VWA3B: variants seen among roughly 807,000 people sequenced by gnomAD.
VWA3B encodes the protein von Willebrand factor A domain containing 3B.
A neutral mutation model predicts 158.3 loss-of-function variants in VWA3B; 138 were observed. The observed-to-expected ratio is 0.87, with a 90% confidence interval of 0.76 to 1.00. The LOEUF (loss-of-function observed/expected upper bound fraction) is 1.00. VWA3B is among the 50% of genes least tolerant of loss of function. The probability of loss-of-function intolerance (pLI) is 0.00; values close to 1 mark genes in which losing one functional copy is unlikely to be tolerated. For synonymous variants in VWA3B, 596 were observed against 587.3 expected (o/e 1.01, Z -0.21); for missense variants, 1,555 against 1,565.1 (o/e 0.99, Z 0.11).
At chr2:98,167,386 T>A (rs564558189) in intron 8 of VWA3B, among the ~76,000 whole-genome samples, 2 of 150,974 alleles carry the variant, frequency 1.3e-5, no homozygotes, top group East Asian at 3.9e-4. Context: ...CTGACAAAAA[T>A]GTATGAATCA....
chr2:98,326,214 A>T, the VWA3B span, among the ~76,000 whole-genome samples: 1 of 152,220 alleles, frequency 6.6e-6, no homozygotes, highest in African/African-American at 2.4e-5. Context: ...CAAAGGGGTT[A>T]TCACTACTAG....
chr2:98,268,411 T>G (rs1687988508), intron 21 of VWA3B, among the ~76,000 whole-genome samples: 1 of 152,154 alleles, frequency 6.6e-6, no homozygotes, highest in Admixed American at 6.5e-5. Context: ...AAATCTATTC[T>G]TTAAGTTCAC....
At chr2:98,128,918 C>G (rs1336112037) in intron 6 of VWA3B, among the ~76,000 whole-genome samples, 1 of 152,252 alleles carries the variant, frequency 6.6e-6, no homozygotes, top group Non-Finnish European at 1.5e-5. Flanking sequence ...CCTACCTTTC[C>G]CCTCACTCCC....
intron 12 of VWA3B, among the ~76,000 whole-genome samples, chr2:98,200,257 G>A (rs1682418647): frequency 1.3e-5 from 2 of 152,086 alleles, no homozygotes; most frequent in South Asian, 4.2e-4. Context: ...AATAGCTGGA[G>A]TCAGGCCAGG....
At chr2:98,296,730 G>A (rs564530333) in intron 23 of VWA3B, among the ~76,000 whole-genome samples, 4 of 152,256 alleles carry the variant, frequency 2.6e-5, no homozygotes, top group African/African-American at 7.2e-5. Flanking sequence ...ATACTGCTGG[G>A]GGAGGTGTCC....
chr2:98,143,180 C>T (rs1401995841), intron 7 of VWA3B, among the ~76,000 whole-genome samples: 1 of 152,140 alleles, frequency 6.6e-6, no homozygotes, highest in Non-Finnish European at 1.5e-5. Context: ...GCTGGGATTA[C>T]ATGCGCCTGC....
At chr2:98,216,677 G>A in intron 13 of VWA3B, 1 of 470,822 alleles carries the variant, frequency 2.1e-6, no homozygotes, top group Admixed American at 2.3e-5. Flanking sequence ...CAGGTGTGCT[G>A]CTTGGCCTTA....
intron 1 of VWA3B, among the ~76,000 whole-genome samples, chr2:98,090,900 C>A (rs1275313172): frequency 2.6e-5 from 4 of 151,596 alleles, no homozygotes; most frequent in African/African-American, 4.8e-5. Context: ...GGACTACAGG[C>A]ATGCACCACC....
chr2:98,134,429 T>C (rs1355583881), intron 7 of VWA3B, among the ~76,000 whole-genome samples: 1 of 152,166 alleles, frequency 6.6e-6, no homozygotes, highest in African/African-American at 2.4e-5. Flanking sequence ...TTTCATTCAA[T>C]GAATGTGATC....
intron 23 of VWA3B, among the ~76,000 whole-genome samples, chr2:98,292,822 G>A (rs1689575754): frequency 6.6e-6 from 1 of 151,906 alleles, no homozygotes; most frequent in Admixed American, 6.6e-5. Flanking sequence ...GAATTAGCCG[G>A]ACGTGGTGGC....
At chr2:98,146,852 A>C (rs1677209038) in intron 7 of VWA3B, among the ~76,000 whole-genome samples, 1 of 152,238 alleles carries the variant, frequency 6.6e-6, no homozygotes, top group Non-Finnish European at 1.5e-5. Flanking sequence ...GTAAAGGCTA[A>C]GTATAAACGT....
At chr2:98,175,860 C>T (rs1266756662) in intron 8 of VWA3B, among the ~76,000 whole-genome samples, 4 of 152,220 alleles carry the variant, frequency 2.6e-5, no homozygotes, top group African/African-American at 7.2e-5. Flanking sequence ...GGGTTACCAT[C>T]CTCCATCTCC....
intron 13 of VWA3B, among the ~76,000 whole-genome samples, chr2:98,215,171 G>A (rs937656013): frequency 2.0e-5 from 3 of 152,152 alleles, no homozygotes; most frequent in African/African-American, 7.2e-5. Flanking sequence ...GCCAGGCGCG[G>A]TGGCTCATGC....
At chr2:98,144,051 T>C (rs1221453753) in intron 7 of VWA3B, among the ~76,000 whole-genome samples, 2 of 152,042 alleles carry the variant, frequency 1.3e-5, no homozygotes, top group African/African-American at 4.8e-5. Context: ...CCTTTATGAA[T>C]GGGGTAATAA....
intron 21 of VWA3B, among the ~76,000 whole-genome samples, chr2:98,261,740 T>A (rs949596698): frequency 6.6e-6 from 1 of 151,784 alleles, no homozygotes; most frequent in Non-Finnish European, 1.5e-5. Context: ...CCTTCTGGCT[T>A]CCATAGTTGA....
intron 7 of VWA3B, among the ~76,000 whole-genome samples, chr2:98,149,889 TAAAC>T (rs1283117470): frequency 6.6e-6 from 1 of 152,260 alleles, no homozygotes; most frequent in African/African-American, 2.4e-5. Context: ...AAAGCCTAGA[TAAAC>T]AGATAGATGC....
chr2:98,215,164 A>G (rs1261467056), intron 13 of VWA3B, among the ~76,000 whole-genome samples: 1 of 152,160 alleles, frequency 6.6e-6, no homozygotes. Context: ...GAGTTAGGCC[A>G]GGCGCGGTGG....
At chr2:98,175,060 C>T (rs540462178) in intron 8 of VWA3B, among the ~76,000 whole-genome samples, 1 of 152,270 alleles carries the variant, frequency 6.6e-6, no homozygotes, top group African/African-American at 2.4e-5. Flanking sequence ...AATCTGATTT[C>T]CAGAGTTGCT....
At position 98,206,599 on chromosome 2, in the gene VWA3B, T is replaced by C. The variant is rs572958745; in HGVS notation, c.1738-5331T>C. The C allele has an allele frequency of 4.9e-5, 22 of 451,912 alleles. 1 individual carries two copies. Among genetic ancestry groups the C allele is most frequent in the South Asian group, 4.4e-4 (22 of 50,112 alleles). The allele number at this position is 451,912 out of a possible 1,614,324, so 28.0% of individuals were successfully genotyped here. On this transcript the variant is annotated intron_variant, in intron 12 of 27. Coordinates refer to ENST00000477737, the MANE Select transcript of VWA3B (RefSeq NM_144992.5). ...GAATCATGAACATCATTGGAGAGCC[T>C]ATTGATGAAAGCGGTCCCATCAAAA...
Sources: allele counts gnomAD v4.1 joint callset (sites outside exome capture counted in the v4.1 genomes callset), GRCh38; gene constraint gnomAD v4.1.1; transcripts MANE v1.5; gene names NCBI Gene and HGNC (gene_info 2026-07-23, HGNC 2026-07-21).